SRGAP3: variants seen among roughly 807,000 people sequenced by gnomAD.
SRGAP3 encodes the protein SLIT-ROBO Rho GTPase-activating protein 3.
SRGAP3 carries 39 observed loss-of-function variants against 121.1 expected under a neutral mutation model. The observed-to-expected ratio is 0.32, with a 90% confidence interval of 0.25 to 0.42. SRGAP3 has a LOEUF of 0.42. Among genes scored for constraint, SRGAP3 ranks in the 10% least tolerant of loss-of-function variants. SRGAP3 has a pLI of 1.00. For synonymous variants in SRGAP3, 601 were observed against 570.0 expected, an observed-to-expected ratio of 1.05 and a Z score of -0.77; for missense variants, 1,213 against 1,470.6, an observed-to-expected ratio of 0.82 and a Z score of 2.86.
chr3:9,191,410 T>C (rs1951749305), intron 1 of SRGAP3, among the ~76,000 whole-genome samples: 1 of 152,236 alleles, frequency 6.6e-6, no homozygotes, highest in Non-Finnish European at 1.5e-5. Flanking sequence ...TTTCCTATTG[T>C]GTGGAAAACA....
intron 17 of SRGAP3, among the ~76,000 whole-genome samples, chr3:9,012,462 G>A (rs772810672): frequency 2.6e-5 from 4 of 152,142 alleles, no homozygotes; most frequent in Admixed American, 1.3e-4. Context: ...TAAGGTCTTA[G>A]CCTGGGGAAG....
intron 1 of SRGAP3, among the ~76,000 whole-genome samples, chr3:9,210,296 G>C (rs1213598081): frequency 2.0e-5 from 3 of 152,096 alleles, no homozygotes; most frequent in Non-Finnish European, 4.4e-5. Flanking sequence ...TGAATTTTGT[G>C]GTACATAATT....
intron 4 of SRGAP3, among the ~76,000 whole-genome samples, chr3:9,079,002 AAG>A (rs2125260523): frequency 6.6e-6 from 1 of 152,228 alleles, no homozygotes; most frequent in East Asian, 1.9e-4. Flanking sequence ...CCCTCCCGCA[AAG>A]GCTCTCAGTG....
At position 9,301,228 on chromosome 3, in the gene SRGAP3, G is replaced by A. The variant is rs553071501; in HGVS notation, n.442+24782C>T. Among the ~76,000 whole-genome samples, 3 of 152,346 alleles carry A rather than the reference G, an allele frequency of 2.0e-5. No individual in the cohort carries two copies. The East Asian group carries it at 5.8e-4, about 29-fold the overall frequency. Reference sequence around the variant, plus strand: ...GGCCAAAAGATGTCAATGCTGCACAGACTCTCACATGCCAAGAGAGGACAA... The same window carrying A: ...GGCCAAAAGATGTCAATGCTGCACAAACTCTCACATGCCAAGAGAGGACAA... On this transcript the variant is annotated intron_variant and non_coding_transcript_variant, in intron 3 of 3. Transcript: ENST00000490889.
intron 1 of SRGAP3, among the ~76,000 whole-genome samples, chr3:9,136,987 G>A (rs983045876): frequency 1.3e-4 from 20 of 152,214 alleles, no homozygotes; most frequent in Non-Finnish European, 1.0e-4. Flanking sequence ...GCAGGATGGA[G>A]GAAGTAAGAG....
intron 3 of SRGAP3, among the ~76,000 whole-genome samples, chr3:9,299,444 G>A (rs1423826702): frequency 3.3e-5 from 5 of 151,868 alleles, no homozygotes; most frequent in Admixed American, 1.3e-4. Flanking sequence ...CATCCACCAT[G>A]TTACTGCCAC....
chr3:9,001,815 T>C lies in SRGAP3; in HGVS notation c.2228-7292A>G, dbSNP rs749663071. On this transcript the variant is annotated intron_variant, in intron 18 of 21. Coordinates refer to ENST00000383836, the MANE Select transcript of SRGAP3 (RefSeq NM_014850.4). The stretch of plus-strand genomic sequence containing the variant: ...TTAAAACTAAAAATACTGCTAGAGA[T>C]AAATGGCAGCATTTCATAATGATAA... 3.6e-4 allele frequency among the ~76,000 whole-genome samples: 55 copies of C among 152,228 alleles called. 1 individual carries two copies. Among genetic ancestry groups the C allele is most frequent in the Admixed American group, 1.9e-3 (29 of 15,298 alleles).
intron 6 of SRGAP3, chr3:9,059,831 A>C (rs1946046523): frequency 3.3e-6 from 1 of 306,240 alleles, no homozygotes. Flanking sequence ...GAGTGGCCCT[A>C]GGGGCGCCAA....
chr3:9,301,434 C>T (rs1378558000), intron 3 of SRGAP3, among the ~76,000 whole-genome samples: 2 of 152,238 alleles, frequency 1.3e-5, no homozygotes, highest in Non-Finnish European at 2.9e-5. Context: ...GCTAACTTAG[C>T]TTTAATGTGT....
At chr3:9,200,102 G>A (rs1160126146) in intron 1 of SRGAP3, among the ~76,000 whole-genome samples, 1 of 152,218 alleles carries the variant, frequency 6.6e-6, no homozygotes, top group Non-Finnish European at 1.5e-5. Flanking sequence ...GGCATCGCCT[G>A]TGTGCTTGGA....
At chr3:9,173,285 A>C (rs578046720) in intron 1 of SRGAP3, among the ~76,000 whole-genome samples, 1 of 152,356 alleles carries the variant, frequency 6.6e-6, no homozygotes, top group East Asian at 1.9e-4. Context: ...CTTACAGCCC[A>C]AAGTTCTAAT....
intron 3 of SRGAP3, among the ~76,000 whole-genome samples, chr3:9,324,003 A>G (rs934849038): frequency 6.6e-6 from 1 of 151,928 alleles, no homozygotes; most frequent in African/African-American, 2.4e-5. Flanking sequence ...GAATAAATTT[A>G]TAGACAAAAA....
rs764573736 is a variant in SRGAP3, at chr3:9,013,449, C to G, written c.2006G>C (p.Gly669Ala). 6.2e-7 allele frequency: 1 copy of G among 1,613,892 alleles called. No homozygotes were observed. Residue 669 changes from glycine (G) to alanine (A), a missense_variant, in exon 17 of 22, where the codon GGG becomes GCG. This residue lies in a region of SRGAP3 where 793 missense variants were observed against 1,032.9 expected (regional missense o/e 0.77). Coordinates refer to ENST00000383836, the MANE Select transcript of SRGAP3 (RefSeq NM_014850.4). ...TGCCTGGCAGGACACAGGGTCCTGC[C>G]CATCAGGGATGTGCATGAGGGTAGG... Reference protein sequence around the residue: ...FGPTLMHIPDGQDPVSCQAHI... With the variant: ...FGPTLMHIPDAQDPVSCQAHI...
chr3:9,164,540 T>A (rs919862275), intron 1 of SRGAP3, among the ~76,000 whole-genome samples: 1 of 152,108 alleles, frequency 6.6e-6, no homozygotes, highest in Non-Finnish European at 1.5e-5. Context: ...TCTACTCACC[T>A]CAGCCTCCCA....
At chr3:9,201,157 C>G (rs1952057392) in intron 1 of SRGAP3, among the ~76,000 whole-genome samples, 1 of 152,162 alleles carries the variant, frequency 6.6e-6, no homozygotes, top group South Asian at 2.1e-4. Context: ...GGCTCGGTGA[C>G]AACAGACCAG....
intron 1 of SRGAP3, among the ~76,000 whole-genome samples, chr3:9,147,864 C>G (rs1287081134): frequency 2.0e-5 from 3 of 152,122 alleles, no homozygotes; most frequent in Non-Finnish European, 4.4e-5. Context: ...CAGGGTCCAC[C>G]AGGGCTGTGA....
chr3:9,142,721 T>C (rs527964786), intron 1 of SRGAP3, among the ~76,000 whole-genome samples: 34 of 151,914 alleles, frequency 2.2e-4, no homozygotes, highest in Non-Finnish European at 4.0e-4. Flanking sequence ...GGTCCCACTA[T>C]GGGCCAAGCC....
intron 12 of SRGAP3, among the ~76,000 whole-genome samples, chr3:9,030,303 A>C (rs1944418038): frequency 6.6e-6 from 1 of 152,208 alleles, no homozygotes; most frequent in African/African-American, 2.4e-5. Flanking sequence ...CCACTGCTCA[A>C]GTGCTCTGGG....
At chr3:9,110,129 A>C (rs539867642) in intron 2 of SRGAP3, among the ~76,000 whole-genome samples, 2 of 152,282 alleles carry the variant, frequency 1.3e-5, no homozygotes, top group East Asian at 3.9e-4. Flanking sequence ...GATTCAAGAA[A>C]GGCTTAGGTA....
Sources: gnomAD v4.1 joint callset for allele counts (sites outside exome capture counted in the v4.1 genomes callset) on GRCh38, gnomAD v4.1.1 for gene constraint, gnomAD v4.1.1 regional missense constraint, MANE v1.5 for transcripts, NCBI Gene and HGNC (gene_info 2026-07-23, HGNC 2026-07-21) for gene names.